The following ZCCHC12 variants were observed in gnomAD, a reference collection of about 807,000 sequenced individuals.
ZCCHC12 encodes the protein zinc finger CCHC-type containing 12, also known as zinc finger CCHC domain-containing protein 12.
For missense variants in ZCCHC12, 317 were observed against 323.4 expected, an observed-to-expected ratio of 0.98 and a Z score of 0.15; for synonymous variants, 128 against 123.2, an observed-to-expected ratio of 1.04 and a Z score of -0.26.
intron 1 of ZCCHC12, 113 bp from the exon 2 acceptor site, chrX:118,824,226 G>A (rs1366787697): frequency 9.0e-6 from 1 of 110,825 alleles, no homozygotes. Context: ...AGGAGTAGCG[G>A]GGGGAGGAAT....
Position 118,825,857 on chromosome X carries a change from C to G in ZCCHC12, c.613C>G (p.Arg205Gly), listed in dbSNP as rs747247847. Residue 205 changes from arginine to glycine, a missense_variant, in exon 4 of 4, where the codon CGG (arginine) becomes GGG (glycine). Physicochemically the swap from Arg to Gly is moderately radical, Grantham distance 125. Transcript: ENST00000310164. ...CAGGATGTATGCAAATGAGCAGGAG[C>G]GGCTTCCCAACTTTCTGGAGTTAAT... is the stretch of plus-strand genomic sequence containing the variant. ...FLRMYANEQERLPNFLELIRM... is the reference protein window; with the variant it reads ...FLRMYANEQEGLPNFLELIRM... The G allele has an allele frequency of 3.2e-5, 39 of 1,211,576 alleles. No homozygotes were observed. Among genetic ancestry groups the G allele is most frequent in the Non-Finnish European group, 4.4e-5 (39 of 895,485 alleles).
In ZCCHC12 at chrX:118,825,129, A is replaced by C. The variant is rs1269915356; in HGVS notation, c.-114-2A>C. 9.8e-7 allele frequency: 1 copy of C among 1,020,580 alleles called. No homozygotes were observed. The highest frequency in any genetic ancestry group is 1.9e-5 in the African/African-American group (1 of 53,283). The allele number at this position is 1,020,580 out of a possible 1,213,427, so 84.1% of individuals were successfully genotyped here. A position where few individuals can be genotyped will look rare whatever the true frequency, so the allele number is the denominator to read the frequency against. ...TAACCAGCCCCCCTTTCTTTTTTAC[A>C]GCCCCTGCTGAGATAGGAAGGCAGA... is the stretch of plus-strand genomic sequence containing the variant. On this transcript the variant is annotated splice_acceptor_variant, in intron 3 of 3. Coordinates refer to ENST00000310164, the MANE Select transcript of ZCCHC12 (RefSeq NM_173798.4). LOFTEE classifies it low-confidence loss of function (5UTR_SPLICE).
chrX:118,826,881 GATGA>G lies in ZCCHC12; in HGVS notation c.*430_*433del. 1 of 170,159 alleles carries G rather than the reference GATGA, an allele frequency of 5.9e-6. No homozygotes were observed. Among genetic ancestry groups the G allele is most frequent in the South Asian group, 1.6e-4 (1 of 6,306 alleles). 14.0% of individuals were successfully genotyped at this position (170,159 alleles called of 1,213,427 possible). A position where few individuals can be genotyped will look rare whatever the true frequency, so the allele number is the denominator to read the frequency against. Reference sequence around the variant, plus strand: ...GATAGATATATGCATAGATAAAAGTGATGAAATATAAGTGCTGTTCTATCTGTAT... The same window carrying G: ...GATAGATATATGCATAGATAAAAGTGAATATAAGTGCTGTTCTATCTGTAT... On this transcript the variant is annotated 3_prime_UTR_variant, in exon 4 of 4. Transcript: ENST00000310164.
Position 118,826,007 on chromosome X carries a change from G to A in ZCCHC12, c.763G>A (p.Val255Met). 8.3e-7 allele frequency: 1 copy of A among 1,211,631 alleles called. No individual in the cohort carries two copies. The change falls in exon 4 of 4, where the codon GTG becomes ATG. Residue 255 changes from valine to methionine, a missense_variant. Transcript: ENST00000310164. ...PVAFQGSPPI[V>M]IGSADCNVIE... ...GGCATTTCAGGGCTCCCCACCGATA[G>A]TGATCGGCAGTGCTGACTGCAATGT...
At position 118,826,149 on chromosome X, in the gene ZCCHC12, A is replaced by G; in HGVS notation, c.905A>G (p.Gln302Arg). 8.3e-7 allele frequency: 1 copy of G among 1,211,909 alleles called. No homozygotes were observed. Among genetic ancestry groups the G allele is most frequent in the Non-Finnish European group, 1.1e-6 (1 of 895,543 alleles). ...APPLRDRARP[Q>R]DEVLVIDSPH... ...CCCCTCAGAGACAGGGCCAGACCTC[A>G]GGATGAAGTGCTGGTCATTGATTCC... The change falls in exon 4 of 4, where the codon CAG becomes CGG. Residue 302 changes from glutamine (Q) to arginine (R), a missense_variant. Gln to Arg is a conservative substitution (Grantham distance 43, BLOSUM62 1). Transcript: ENST00000310164.
At position 118,826,178 on chromosome X, in the gene ZCCHC12, C is replaced by T. The variant is rs367995321; in HGVS notation, c.934C>T (p.His312Tyr). 40 of 1,211,748 alleles carry T rather than the reference C, an allele frequency of 3.3e-5. No homozygotes were observed. In the Admixed American group the frequency reaches 8.5e-4, roughly 26 times the overall value. The part of the protein sequence containing the change: ...QDEVLVIDSP[H>Y]NSRAQFPSTS... ...TGAAGTGCTGGTCATTGATTCCCCC[C>T]ACAATTCCAGGGCTCAGTTTCCTTC... Residue 312 changes from histidine (H) to tyrosine (Y), a missense_variant, in exon 4 of 4, where the codon CAC becomes TAC. His to Tyr is a moderately conservative substitution (Grantham distance 83). Transcript: ENST00000310164.
In ZCCHC12 at chrX:118,826,947, T is replaced by C. The variant is rs1457468510; in HGVS notation, c.*494T>C. 1 of 136,537 alleles carries C rather than the reference T, an allele frequency of 7.3e-6. No homozygotes were observed. Among genetic ancestry groups the C allele is most frequent in the Non-Finnish European group, 1.6e-5 (1 of 61,048 alleles). The allele number at this position is 136,537 out of a possible 1,213,427, so 11.3% of individuals were successfully genotyped here. A position where few individuals can be genotyped will look rare whatever the true frequency, so the allele number is the denominator to read the frequency against. ...ACAATATATGTTGTGAGCTTCTATG[T>C]CAATAAATATATATATCAGCATCTG... On this transcript the variant is annotated 3_prime_UTR_variant, in exon 4 of 4. Transcript: ENST00000310164.
Position 118,825,952 on chromosome X carries a change from G to C in ZCCHC12, c.708G>C (p.Glu236Asp). The C allele has an allele frequency of 8.3e-7, 1 of 1,211,990 alleles. No individual in the cohort carries two copies. ...AACGGAAGCGTCCAAAAAGGTCTGA[G>C]TCAATGGTGGAGAGGGCAGTCAGCC... ...FIKRKRPKRS[E>D]SMVERAVSPV... is the part of the protein sequence containing the mutation. Residue 236 changes from glutamate (E) to aspartate (D), a missense_variant, in exon 4 of 4, where the codon GAG becomes GAC. Coordinates refer to ENST00000310164, the MANE Select transcript of ZCCHC12 (RefSeq NM_173798.4).
In ZCCHC12 at chrX:118,825,775, G is replaced by A. The variant is rs1391741328; in HGVS notation, c.531G>A (p.Gln177=). ...ATGCAAACCGGACTCGCTTGCAGCA[G>A]CTCCTTTTAGGCGGTGAGCTGAGTA... ...EKDANRTRLQ[Q]LLLGGELSRD... is the part of the protein sequence containing the mutation. Residue 177 remains glutamine (Q), a synonymous_variant, in exon 4 of 4, where the codon CAG becomes CAA. Coordinates refer to ENST00000310164, the MANE Select transcript of ZCCHC12 (RefSeq NM_173798.4). The A allele has an allele frequency of 8.3e-7, 1 of 1,210,083 alleles. No individual in the cohort carries two copies. Among genetic ancestry groups the A allele is most frequent in the Non-Finnish European group, 1.1e-6 (1 of 895,300 alleles).
Position 118,826,398 on chromosome X carries a change from T to C in ZCCHC12, c.1154T>C (p.Met385Thr). Residue 385 changes from methionine (M) to threonine (T), a missense_variant, in exon 4 of 4, where the codon ATG becomes ACG. Transcript: ENST00000310164. ...ITLQELTHTEMERSRVAPGEY... is the reference protein window; with the variant it reads ...ITLQELTHTETERSRVAPGEY... ...CTCCAGGAGCTGACCCATACTGAGA[T>C]GGAGAGGTCAAGAGTGGCCCCTGGC... 1 of 1,211,117 alleles carries C rather than the reference T, an allele frequency of 8.3e-7. No homozygotes were observed. The highest frequency in any genetic ancestry group is 1.1e-6 in the Non-Finnish European group (1 of 895,382).
chrX:118,826,422 G>A lies in ZCCHC12; in HGVS notation c.1178G>A (p.Gly393Asp), dbSNP rs1318023832. Reference protein sequence around the residue: ...TEMERSRVAPGEYNDFSEPL With the variant: ...TEMERSRVAPDEYNDFSEPL ...ATGGAGAGGTCAAGAGTGGCCCCTG[G>A]CGAATACAATGACTTCTCTGAGCCA... Residue 393 changes from glycine (G) to aspartate (D), a missense_variant, in exon 4 of 4, where the codon GGC (glycine) becomes GAC (aspartate). Physicochemically the swap from Gly to Asp is moderately conservative, Grantham distance 94. Transcript: ENST00000310164. 3 of 1,210,961 alleles carry A rather than the reference G, an allele frequency of 2.5e-6. No individual in the cohort carries two copies. The highest frequency in any genetic ancestry group is 3.4e-6 in the Non-Finnish European group (3 of 895,357).
chrX:118,824,351 G>T lies in ZCCHC12; in HGVS notation c.-279G>T, dbSNP rs1165750231. 1 of 110,069 alleles carries T rather than the reference G, an allele frequency of 9.1e-6. No homozygotes were observed. The highest frequency in any genetic ancestry group is 1.9e-5 in the Non-Finnish European group (1 of 52,724). The allele number at this position is 110,069 out of a possible 1,213,427, so 9.1% of individuals were successfully genotyped here. On this transcript the variant is annotated 5_prime_UTR_variant, in exon 2 of 4. Transcript: ENST00000310164. ...TTCTCCGTGGCAGGCCATCAAAGCCGCATCTGAACTTGAATTCTGTGCAGC... is the reference window on the plus strand; with the variant it reads ...TTCTCCGTGGCAGGCCATCAAAGCCTCATCTGAACTTGAATTCTGTGCAGC...
chrX:118,825,122 T>A lies in ZCCHC12; in HGVS notation c.-114-9T>A. On this transcript the variant is annotated splice_polypyrimidine_tract_variant and intron_variant, in intron 3 of 3. Transcript: ENST00000310164. ...CCCTTATTAACCAGCCCCCCTTTCTTTTTTACAGCCCCTGCTGAGATAGGA... is the reference window on the plus strand; with the variant it reads ...CCCTTATTAACCAGCCCCCCTTTCTATTTTACAGCCCCTGCTGAGATAGGA... The A allele has an allele frequency of 7.0e-6, 7 of 1,001,867 alleles. No homozygotes were observed. The South Asian group carries it at 1.4e-4, about 20-fold the overall frequency. 82.6% of individuals were successfully genotyped at this position (1,001,867 alleles called of 1,213,427 possible). A position where few individuals can be genotyped will look rare whatever the true frequency, so the allele number is the denominator to read the frequency against.
At position 118,823,969 on chromosome X, in the gene ZCCHC12, G is replaced by A. The variant is rs1486286662; in HGVS notation, c.-328G>A. ...CCAGAAGGCGGAATCCACAGCTGGCGACGCGGGAGCATCTGCTGTCCACCA... is the reference window on the plus strand; with the variant it reads ...CCAGAAGGCGGAATCCACAGCTGGCAACGCGGGAGCATCTGCTGTCCACCA... On this transcript the variant is annotated 5_prime_UTR_variant, in exon 1 of 4. Transcript: ENST00000310164. 8.9e-6 allele frequency: 1 copy of A among 112,626 alleles called. No homozygotes were observed. The highest frequency in any genetic ancestry group is 3.2e-5 in the African/African-American group (1 of 30,998). 9.3% of individuals were successfully genotyped at this position (112,626 alleles called of 1,213,427 possible).
At position 118,825,142 on chromosome X, in the gene ZCCHC12, A is replaced by G. The variant is rs2018234859; in HGVS notation, c.-103A>G. On this transcript the variant is annotated 5_prime_UTR_variant, in exon 4 of 4. Transcript: ENST00000310164. ...TTTCTTTTTTACAGCCCCTGCTGAG[A>G]TAGGAAGGCAGAGCCACCTCCTCTC... is the stretch of plus-strand genomic sequence containing the variant. 9.1e-7 allele frequency: 1 copy of G among 1,102,717 alleles called. No individual in the cohort carries two copies. Among genetic ancestry groups the G allele is most frequent in the Non-Finnish European group, 1.2e-6 (1 of 802,060 alleles). The allele number at this position is 1,102,717 out of a possible 1,213,427, so 90.9% of individuals were successfully genotyped here. A position where few individuals can be genotyped will look rare whatever the true frequency, so the allele number is the denominator to read the frequency against.
rs778086473 is a variant in ZCCHC12, at chrX:118,824,008, A to G, written c.-292+3A>G. The G allele has an allele frequency of 2.7e-5, 3 of 112,366 alleles. No individual in the cohort carries two copies. Among genetic ancestry groups the G allele is most frequent in the Non-Finnish European group, 5.6e-5 (3 of 53,209 alleles). The allele number at this position is 112,366 out of a possible 1,213,427, so 9.3% of individuals were successfully genotyped here. A position where few individuals can be genotyped will look rare whatever the true frequency, so the allele number is the denominator to read the frequency against. ...TGCTGTCCACCAGCGGAGCACAGGT[A>G]AAGAATGGGGGTGTGATTGCCCGGC... On this transcript the variant is annotated splice_donor_region_variant and intron_variant, in intron 1 of 3. Transcript: ENST00000310164.
Position 118,825,259 on chromosome X carries a change from T to C in ZCCHC12, c.15T>C (p.Ile5=). 8.3e-7 allele frequency: 1 copy of C among 1,212,035 alleles called. No homozygotes were observed. Among genetic ancestry groups the C allele is most frequent in the Non-Finnish European group, 1.1e-6 (1 of 895,579 alleles). MASI[I]ARVGNSRRLN... ...CGTCGTCAGTCATGGCTAGCATCAT[T>C]GCACGTGTCGGTAACAGCCGGCGGC... The change falls in exon 4 of 4, where the codon ATT becomes ATC. Residue 5 remains isoleucine, a synonymous_variant. Coordinates refer to ENST00000310164, the MANE Select transcript of ZCCHC12 (RefSeq NM_173798.4).
chrX:118,825,455 G>A lies in ZCCHC12; in HGVS notation c.211G>A (p.Val71Ile), dbSNP rs946147207. ...FENWLTQVNG[V>I]LPDWNMSEEE... is the part of the protein sequence containing the mutation. The stretch of plus-strand genomic sequence containing the variant: ...AAACTGGCTGACCCAAGTCAATGGC[G>A]TCCTGCCAGATTGGAATATGTCTGA... The change falls in exon 4 of 4, where the codon GTC becomes ATC. Residue 71 changes from valine to isoleucine, a missense_variant. Transcript: ENST00000310164. The A allele has an allele frequency of 3.3e-6, 4 of 1,210,073 alleles. No homozygotes were observed. The highest frequency in any genetic ancestry group is 1.8e-5 in the South Asian group (1 of 56,815).
rs1207276059 is a variant in ZCCHC12 at position 118,825,201 on chromosome X, G to A, written c.-44G>A. The A allele has an allele frequency of 8.3e-7, 1 of 1,210,969 alleles. No individual in the cohort carries two copies. Among genetic ancestry groups the A allele is most frequent in the Non-Finnish European group, 1.1e-6 (1 of 894,930 alleles). ...CCTGCAGATTAAGCTTTTCTAAAAAGCCTAGGCATCTTCTTATATTCAGAT... is the reference window on the plus strand; with the variant it reads ...CCTGCAGATTAAGCTTTTCTAAAAAACCTAGGCATCTTCTTATATTCAGAT... On this transcript the variant is annotated 5_prime_UTR_variant, in exon 4 of 4. Transcript: ENST00000310164.
Sources: allele counts gnomAD v4.1 joint callset, GRCh38; gene constraint gnomAD v4.1.1; transcripts MANE v1.5; gene names NCBI Gene and HGNC (gene_info 2026-07-23, HGNC 2026-07-21).